The following GATA2 variants were observed in gnomAD, a reference collection of about 807,000 sequenced individuals.
The protein encoded by GATA2 is GATA binding protein 2.
Under a neutral mutation model 35.7 loss-of-function variants are expected in GATA2, and 6 were observed. The ratio of observed to expected loss-of-function variants is 0.17; its 90% CI spans 0.09 to 0.33. The LOEUF is 0.33. GATA2 is among the 10% of genes least tolerant of loss of function. GATA2 has a pLI of 1.00. For missense variants in GATA2, 541 were observed against 656.6 expected, an observed-to-expected ratio of 0.82 and a Z score of 1.92; for synonymous variants, 313 against 274.9, an observed-to-expected ratio of 1.14 and a Z score of -1.37.
intron 1 of GATA2, chr3:128,491,956 C>A (rs1477504055): frequency 6.6e-6 from 1 of 152,230 alleles, no homozygotes; most frequent in Non-Finnish European, 1.5e-5. Context: ...TTTGTCAGCC[C>A]GGCTGGGAAA....
intron 1 of GATA2, 108 bp downstream of exon 1, chr3:128,492,791 A>G (rs2068793230): frequency 6.6e-6 from 1 of 152,252 alleles, no homozygotes; most frequent in Admixed American, 6.5e-5. Flanking sequence ...GCGAGCCCCA[A>G]AGGTAGGGGC....
rs1469388941 is a variant in GATA2, at chr3:128,486,120, T to G, written c.478A>C (p.Thr160Pro). The change falls in exon 3 of 6, where the codon ACC becomes CCC. Residue 160 changes from threonine to proline, a missense_variant. Around this residue, in one of 5 missense-constraint regions of GATA2, gnomAD observed 389 missense variants for 396.9 expected, o/e 0.98. Coordinates refer to ENST00000341105, the MANE Select transcript of GATA2 (RefSeq NM_032638.5). ...GGSGSSVASLTPTAAHSGSHL... is the reference protein window; with the variant it reads ...GGSGSSVASLPPTAAHSGSHL... ...GAGCCAGAGTGGGCTGCTGTAGGGGTGAGGGAGGCCACTGAGCTCCCGCTG... is the reference window on the plus strand; with the variant it reads ...GAGCCAGAGTGGGCTGCTGTAGGGGGGAGGGAGGCCACTGAGCTCCCGCTG... The G allele has an allele frequency of 6.2e-7, 1 of 1,611,050 alleles. No homozygotes were observed. Among genetic ancestry groups the G allele is most frequent in the East Asian group, 2.2e-5 (1 of 44,784 alleles).
chr3:128,482,033 C>G lies in GATA2; in HGVS notation c.1018-89G>C, dbSNP rs1576745444. On this transcript the variant is annotated intron_variant, in intron 4 of 5. Coordinates refer to ENST00000341105, the MANE Select transcript of GATA2 (RefSeq NM_032638.5). ...CCCTCGCTCCACCCCCAGTCCCCACCAGCTCAGTCAAGGAGGGCTAAATCT... is the reference window on the plus strand; with the variant it reads ...CCCTCGCTCCACCCCCAGTCCCCACGAGCTCAGTCAAGGAGGGCTAAATCT... 9.1e-6 allele frequency: 14 copies of G among 1,542,024 alleles called. 1 individual carries two copies. In the East Asian group the frequency reaches 2.8e-4, roughly 30 times the overall value.
intron 1 of GATA2, chr3:128,490,141 G>A (rs576432878): frequency 3.3e-5 from 5 of 152,248 alleles, no homozygotes; most frequent in African/African-American, 4.8e-5. Context: ...TGTATTCCCA[G>A]TTTCAGCGCA....
At position 128,486,942 on chromosome 3, in the gene GATA2, C is replaced by T. The variant is rs768357019; in HGVS notation, c.90G>A (p.Ala30=). 1.2e-6 allele frequency: 2 copies of T among 1,612,842 alleles called. No homozygotes were observed. Among genetic ancestry groups the T allele is most frequent in the South Asian group, 2.2e-5 (2 of 90,804 alleles). The change falls in exon 2 of 6, where the codon GCG becomes GCA. Residue 30 remains alanine (A), a synonymous_variant. Transcript: ENST00000341105. Reference sequence around the variant, plus strand: ...GCTGCGCGGGTTCCATGTAGTTGTGCGCCAGGCCCGGGTGGTGTGAGTCGG... The same window carrying T: ...GCTGCGCGGGTTCCATGTAGTTGTGTGCCAGGCCCGGGTGGTGTGAGTCGG... ...QHPDSHHPGL[A]HNYMEPAQLL...
intron 1 of GATA2, among the ~76,000 whole-genome samples, chr3:128,491,572 G>T (rs1028568930): frequency 6.6e-6 from 1 of 152,180 alleles, no homozygotes; most frequent in Non-Finnish European, 1.5e-5. Flanking sequence ...CCAAGGGGGG[G>T]ACTACTGCTA....
At chr3:128,485,085 G>A (rs868457049) in intron 3 of GATA2, among the ~76,000 whole-genome samples, 2 of 152,226 alleles carry the variant, frequency 1.3e-5, no homozygotes, top group Non-Finnish European at 2.9e-5. Flanking sequence ...GCGGGAAAAG[G>A]GGCGGGGGCA....
chr3:128,485,262 G>T (rs2068679770), intron 3 of GATA2, among the ~76,000 whole-genome samples: 1 of 152,192 alleles, frequency 6.6e-6, no homozygotes, highest in African/African-American at 2.4e-5. Flanking sequence ...TAGAGACCCA[G>T]ATTCCTTAAT....
chr3:128,486,923 C>T lies in GATA2; in HGVS notation c.109G>A (p.Ala37Thr), dbSNP rs1576749841. ...PGLAHNYMEP[A>T]QLLPPDEVDV... is the part of the protein sequence containing the mutation. ...ACCTCGTCTGGAGGCAGCAGCTGCGCGGGTTCCATGTAGTTGTGCGCCAGG... is the reference window on the plus strand; with the variant it reads ...ACCTCGTCTGGAGGCAGCAGCTGCGTGGGTTCCATGTAGTTGTGCGCCAGG... The change falls in exon 2 of 6, where the codon GCG becomes ACG. Residue 37 changes from alanine (A) to threonine (T), a missense_variant. Ala to Thr is a moderately conservative substitution (Grantham distance 58). This residue lies in a region of GATA2 where 389 missense variants were observed against 396.9 expected (regional missense o/e 0.98). Coordinates refer to ENST00000341105, the MANE Select transcript of GATA2 (RefSeq NM_032638.5). 2.5e-6 allele frequency: 4 copies of T among 1,612,968 alleles called. No individual in the cohort carries two copies. The highest frequency in any genetic ancestry group is 1.7e-5 in the Admixed American group (1 of 59,940).
intron 3 of GATA2, among the ~76,000 whole-genome samples, chr3:128,484,418 C>A (rs572211003): frequency 2.0e-5 from 3 of 152,172 alleles, no homozygotes; most frequent in Non-Finnish European, 2.9e-5. Context: ...GTCTCTCCCC[C>A]TCTCCTCTTT....
intron 3 of GATA2, among the ~76,000 whole-genome samples, chr3:128,484,778 G>A (rs2068673750): frequency 1.3e-5 from 2 of 152,122 alleles, no homozygotes; most frequent in African/African-American, 4.8e-5. Flanking sequence ...GGCTCAGCGG[G>A]TGCTGGGGCC....
At chr3:128,492,650 T>C (rs2068791520) in intron 1 of GATA2, among the ~76,000 whole-genome samples, 1 of 151,230 alleles carries the variant, frequency 6.6e-6, no homozygotes, top group African/African-American at 2.4e-5. Flanking sequence ...AATGCCAGGG[T>C]CTCGTGGCCT....
rs2068739203 is a variant in GATA2 at position 128,488,759 on chromosome 3, C to G, written c.-45-1683G>C. 1.3e-5 allele frequency among the ~76,000 whole-genome samples: 2 copies of G among 152,032 alleles called. No homozygotes were observed. The highest frequency in any genetic ancestry group is 2.9e-5 in the Non-Finnish European group (2 of 67,976). ...AGGGGGAGGCGGTGGTCTGAGGTCT[C>G]CGTCTTCTAAGTCACCTGGAAGTGC... On this transcript the variant is annotated intron_variant, in intron 1 of 5. Transcript: ENST00000341105. This position sits in a 1 kb window ranked among gnomAD's most constrained non-coding sequence, Gnocchi z 5.8.
chr3:128,481,517 C>A (rs2068628062), intron 5 of GATA2, among the ~76,000 whole-genome samples, 199 bp from the exon 6 acceptor site: 1 of 152,214 alleles, frequency 6.6e-6, no homozygotes, highest in Admixed American at 6.5e-5. Context: ...CTGACCCACA[C>A]CCTCCCTGGC....
At chr3:128,485,489 G>A (rs1287853878) in intron 3 of GATA2, among the ~76,000 whole-genome samples, 2 of 152,152 alleles carry the variant, frequency 1.3e-5, no homozygotes, top group African/African-American at 4.8e-5. Context: ...GACCAACCCT[G>A]GGGCAAGGAA....
rs375597586 is a variant in GATA2 at position 128,488,955 on chromosome 3, A to G, written c.-45-1879T>C. Among the ~76,000 whole-genome samples the G allele has an allele frequency of 8.5e-4, 129 of 152,110 alleles. 1 individual carries two copies. In the South Asian group the frequency reaches 0.023, roughly 27 times the overall value. ...TTTTGGGGGACCTAGACAGGTGCCGAGTACTGGGGGGACTCAACAGCGTCC... is the reference window on the plus strand; with the variant it reads ...TTTTGGGGGACCTAGACAGGTGCCGGGTACTGGGGGGACTCAACAGCGTCC... On this transcript the variant is annotated intron_variant, in intron 1 of 5. Coordinates refer to ENST00000341105, the MANE Select transcript of GATA2 (RefSeq NM_032638.5). The surrounding 1 kb of genome is among the most constrained non-coding windows in gnomAD (Gnocchi z 5.8).
chr3:128,481,167 G>A lies in GATA2; in HGVS notation c.1295C>T (p.Ala432Val). The A allele has an allele frequency of 6.2e-7, 1 of 1,614,254 alleles. No individual in the cohort carries two copies. Residue 432 changes from alanine to valine, a missense_variant, in exon 6 of 6, where the codon GCC (alanine) becomes GTC (valine). Physicochemically the swap from Ala to Val is moderately conservative, Grantham distance 64. This residue lies in a region of GATA2 where 95 missense variants were observed against 114.0 expected (regional missense o/e 0.83). Transcript: ENST00000341105. ...QEKSSPFSAA[A>V]LAGHMAPVGH... ...CACAGGTGCCATGTGTCCAGCCAGG[G>A]CAGCTGCACTGAAGGGGGATGACTT...
At chr3:128,484,885 G>A (rs939714963) in intron 3 of GATA2, among the ~76,000 whole-genome samples, 1 of 152,164 alleles carries the variant, frequency 6.6e-6, no homozygotes, top group African/African-American at 2.4e-5. Context: ...ACTAAATGAG[G>A]AGTACAGCCT....
intron 3 of GATA2, 84 bp downstream of exon 3, chr3:128,485,643 T>C (rs1370337273): frequency 6.6e-7 from 1 of 1,507,946 alleles, no homozygotes; most frequent in Non-Finnish European, 9.0e-7. Flanking sequence ...AAACCAACAC[T>C]GCCACCTCTC....
Sources: allele counts gnomAD v4.1 joint callset (sites outside exome capture counted in the v4.1 genomes callset), GRCh38; gene constraint gnomAD v4.1.1; regional missense constraint gnomAD v4.1.1; non-coding constraint Gnocchi (gnomAD v3.1); transcripts MANE v1.5; gene names NCBI Gene and HGNC (gene_info 2026-07-23, HGNC 2026-07-21).